Variants in AFF1 observed in about 807,000 individuals in gnomAD.
AFF1 encodes the protein ALF transcription elongation factor 1, also known as AF4/FMR2 family member 1.
AFF1 carries 48 observed loss-of-function variants against 121.7 expected under a neutral mutation model. That is an observed-to-expected ratio of 0.39 (90% CI 0.31 to 0.50). The LOEUF (loss-of-function observed/expected upper bound fraction) is 0.50, where lower values mean the gene tolerates loss of function less well. AFF1 is among the 20% of genes least tolerant of loss of function. The pLI, the probability that AFF1 is intolerant of heterozygous loss-of-function variation, is 0.76. For synonymous variants in AFF1, 613 were observed against 563.0 expected (o/e 1.09, Z -1.26); for missense variants, 1,523 against 1,511.7 (o/e 1.01, Z -0.12).
chr4:87,040,549 G>C lies in AFF1; in HGVS notation c.39-5617G>C, dbSNP rs146297861. On this transcript the variant is annotated intron_variant, in intron 2 of 20. Transcript: ENST00000395146. ...GTTCAGGTCTACCATTTGTGAGCAA[G>C]TCAATCCCCTCACCCTTTTTTTTTT... Among the ~76,000 whole-genome samples the C allele has an allele frequency of 4.7e-5, 7 of 149,140 alleles. No individual in the cohort carries two copies. The East Asian group carries it at 1.4e-3, about 30-fold the overall frequency.
intron 4 of AFF1, among the ~76,000 whole-genome samples, chr4:87,057,447 G>A (rs1023081795): frequency 1.3e-5 from 2 of 152,190 alleles, no homozygotes; most frequent in Non-Finnish European, 2.9e-5. Context: ...TGTGTTACCA[G>A]TTTATTCGTC....
intron 2 of AFF1, among the ~76,000 whole-genome samples, chr4:86,977,678 G>T (rs1169564037): frequency 6.6e-6 from 1 of 152,116 alleles, no homozygotes; most frequent in Non-Finnish European, 1.5e-5. Context: ...ACTAGACTGG[G>T]TCCCCTCAGG....
intron 16 of AFF1, among the ~76,000 whole-genome samples, chr4:87,129,693 A>C (rs1209903449): frequency 2.0e-5 from 3 of 152,218 alleles, no homozygotes; most frequent in Admixed American, 6.5e-5. Context: ...ACCTTTTAAA[A>C]TAAAAAATGT....
chr4:87,138,927 G>C lies in AFF1; in HGVS notation c.*3226G>C. 4.4e-6 allele frequency: 1 copy of C among 227,048 alleles called. No homozygotes were observed. 14.1% of individuals were successfully genotyped at this position (227,048 alleles called of 1,614,324 possible). A position where few individuals can be genotyped will look rare whatever the true frequency, so the allele number is the denominator to read the frequency against. On this transcript the variant is annotated 3_prime_UTR_variant, in exon 21 of 21. Coordinates refer to ENST00000395146, the MANE Select transcript of AFF1 (RefSeq NM_001166693.3). ...CTTGTCCTGTATCCTTTAATTTCAG[G>C]TCTCAGGATGTTTAGAAAGCTAAAA...
At chr4:87,076,222 G>T (rs1276287010) in intron 4 of AFF1, among the ~76,000 whole-genome samples, 4 of 151,740 alleles carry the variant, frequency 2.6e-5, no homozygotes, top group African/African-American at 4.9e-5. Flanking sequence ...ATAACTGTAG[G>T]TGACCTAGAG....
chr4:87,028,043 T>G (rs1377472890), intron 2 of AFF1, among the ~76,000 whole-genome samples: 2 of 152,054 alleles, frequency 1.3e-5, no homozygotes, highest in East Asian at 3.9e-4. Context: ...ATTTTAAGAT[T>G]AGTAGTGCTA....
chr4:87,079,267 G>A (rs2149693419), intron 4 of AFF1, among the ~76,000 whole-genome samples: 1 of 152,328 alleles, frequency 6.6e-6, no homozygotes, highest in African/African-American at 2.4e-5. Context: ...TCAGTGGCAT[G>A]TTTCTTCAGC....
At chr4:86,991,534 T>C (rs1056778873) in intron 2 of AFF1, among the ~76,000 whole-genome samples, 2 of 152,276 alleles carry the variant, frequency 1.3e-5, no homozygotes, top group Non-Finnish European at 2.9e-5. Context: ...ACTGTTGAAA[T>C]TGTTTTGACC....
At position 86,959,491 on chromosome 4, in the gene AFF1, C is replaced by CTT. The variant is rs34054629; in HGVS notation, c.38+10935_38+10936dup. Among the ~76,000 whole-genome samples the CTT allele has an allele frequency of 2.7e-3, 260 of 97,984 alleles. 1 individual carries two copies. Among genetic ancestry groups the CTT allele is most frequent in the Middle Eastern group, 0.012 (2 of 162 alleles). The allele number at this position is 97,984 out of a possible 152,430, so 64.3% of individuals were successfully genotyped here. A position where few individuals can be genotyped will look rare whatever the true frequency, so the allele number is the denominator to read the frequency against. On this transcript the variant is annotated intron_variant, in intron 2 of 20. Transcript: ENST00000395146. ...CTCCCTTTTAAAGTTCCTTAATACT[C>CTT]TTTTTTTTTTTTTTTTCCCAATGTG...
intron 12 of AFF1, 35 bp from the exon 13 acceptor site, chr4:87,125,002 G>GGT: frequency 1.3e-6 from 2 of 1,489,858 alleles, no homozygotes; most frequent in South Asian, 2.6e-5. Flanking sequence ...CAATTATGTT[G>GGT]GTAATAATTT....
intron 7 of AFF1, among the ~76,000 whole-genome samples, chr4:87,094,222 G>C (rs1180542200): frequency 6.6e-6 from 1 of 152,052 alleles, no homozygotes; most frequent in African/African-American, 2.4e-5. Context: ...AATTCATTTT[G>C]TTCTTTCTTT....
chr4:87,043,433 A>G (rs1026041162), intron 2 of AFF1, among the ~76,000 whole-genome samples: 2 of 152,228 alleles, frequency 1.3e-5, no homozygotes, highest in African/African-American at 2.4e-5. Context: ...AAGTGGCTAT[A>G]AAACAAGTTT....
chr4:87,053,432 CTG>C lies in AFF1; in HGVS notation c.1059+5843_1059+5844del, dbSNP rs1731459101. On this transcript the variant is annotated intron_variant, in intron 4 of 20. Coordinates refer to ENST00000395146, the MANE Select transcript of AFF1 (RefSeq NM_001166693.3). ...GCATGAATTAACCCACAGTGGAAAACTGTGTGATAGTGATTCACTTTGCATTC... is the reference window on the plus strand; with the variant it reads ...GCATGAATTAACCCACAGTGGAAAACTGTGATAGTGATTCACTTTGCATTC... 2.0e-5 allele frequency among the ~76,000 whole-genome samples: 3 copies of C among 152,228 alleles called. No individual in the cohort carries two copies. In the South Asian group the frequency reaches 6.2e-4, roughly 31 times the overall value.
chr4:86,989,109 T>G (rs559467199), intron 2 of AFF1, among the ~76,000 whole-genome samples: 2 of 152,140 alleles, frequency 1.3e-5, no homozygotes, highest in Non-Finnish European at 2.9e-5. Context: ...GGCAATACCA[T>G]TCAGGACATA....
At chr4:87,004,574 G>A (rs1725953316) in intron 2 of AFF1, among the ~76,000 whole-genome samples, 1 of 152,110 alleles carries the variant, frequency 6.6e-6, no homozygotes, top group African/African-American at 2.4e-5. Flanking sequence ...AAAATGCTTG[G>A]GACCAGAATT....
At chr4:86,950,529 TAAA>T (rs36080469) in intron 2 of AFF1, among the ~76,000 whole-genome samples, 1 of 152,226 alleles carries the variant, frequency 6.6e-6, no homozygotes, top group African/African-American at 2.4e-5. Flanking sequence ...TTCACTAGTC[TAAA>T]AAATAAAAAC....
chr4:86,984,345 T>TG (rs1263883339), intron 2 of AFF1, among the ~76,000 whole-genome samples: 2 of 150,918 alleles, frequency 1.3e-5, no homozygotes, highest in Non-Finnish European at 3.0e-5. Flanking sequence ...TTTTTTTTTT[T>TG]GTGACTGAGT....
At chr4:87,008,124 A>G (rs553857454) in intron 2 of AFF1, among the ~76,000 whole-genome samples, 1 of 152,210 alleles carries the variant, frequency 6.6e-6, no homozygotes, top group Non-Finnish European at 1.5e-5. Context: ...ATGAGATCCA[A>G]ACTGTTCTGT....
At chr4:86,998,275 A>G (rs1379235936) in intron 2 of AFF1, among the ~76,000 whole-genome samples, 2 of 152,158 alleles carry the variant, frequency 1.3e-5, no homozygotes, top group African/African-American at 4.8e-5. Flanking sequence ...ATGACAACAG[A>G]TGTCCCTGGA....
Sources: gnomAD v4.1 joint callset for allele counts (sites outside exome capture counted in the v4.1 genomes callset) on GRCh38, gnomAD v4.1.1 for gene constraint, MANE v1.5 for transcripts, NCBI Gene and HGNC (gene_info 2026-07-23, HGNC 2026-07-21) for gene names.